Variants in CBLB observed in about 807,000 individuals in gnomAD.
The protein encoded by CBLB is E3 ubiquitin-protein ligase CBL-B.
A neutral mutation model predicts 104.9 loss-of-function variants in CBLB; 31 were observed. The ratio of observed to expected loss-of-function variants is 0.30; its 90% CI spans 0.22 to 0.40. CBLB has a LOEUF of 0.40. Among genes scored for constraint, CBLB ranks in the 10% least tolerant of loss-of-function variants. CBLB has a pLI of 1.00. For missense variants in CBLB, 1,062 were observed against 1,214.6 expected (o/e 0.87, Z 1.87); for synonymous variants, 440 against 422.6 (o/e 1.04, Z -0.51).
upstream of CBLB, chr3:105,869,298 G>A (rs751546394): frequency 2.8e-6 from 3 of 1,068,770 alleles, no homozygotes; most frequent in Non-Finnish European, 2.6e-6. Context: ...AAACGGGAAA[G>A]GAAATGGACG....
upstream of CBLB, chr3:105,869,256 A>T: frequency 1.4e-6 from 1 of 733,472 alleles, no homozygotes; most frequent in Non-Finnish European, 2.2e-6. Flanking sequence ...GAGAGAAATG[A>T]GGGGCCTGGA....
chr3:105,727,987 G>A (rs527259963), intron 9 of CBLB, among the ~76,000 whole-genome samples: 23 of 152,210 alleles, frequency 1.5e-4, no homozygotes, highest in Non-Finnish European at 3.2e-4. Context: ...GATGCCTCCA[G>A]CTTTTTTCTT....
At chr3:105,777,821 C>G (rs1014432298) in intron 3 of CBLB, among the ~76,000 whole-genome samples, 4 of 152,226 alleles carry the variant, frequency 2.6e-5, no homozygotes, top group Admixed American at 2.6e-4. Flanking sequence ...AGATTTAAAC[C>G]ATGCTTCATA....
At chr3:105,743,732 T>TAAA (rs757956619) in intron 6 of CBLB, among the ~76,000 whole-genome samples, 18 of 134,180 alleles carry the variant, frequency 1.3e-4, no homozygotes, top group Non-Finnish European at 2.4e-4. Context: ...CTTTCCAAGA[T>TAAA]AAAAAAAAAA....
At chr3:105,816,872 C>A (rs1044709685) in intron 3 of CBLB, among the ~76,000 whole-genome samples, 2 of 151,616 alleles carry the variant, frequency 1.3e-5, no homozygotes, top group African/African-American at 4.9e-5. Context: ...GACAACTCCA[C>A]CACAATTCTA....
chr3:105,681,794 C>A lies in CBLB; in HGVS notation c.2226G>T (p.Met742Ile). The change falls in exon 15 of 19, where the codon ATG (methionine) becomes ATT (isoleucine). Residue 742 changes from methionine (M) to isoleucine (I), a missense_variant. Physicochemically the swap from Met to Ile is conservative, Grantham distance 10 (BLOSUM62 1). Transcript: ENST00000394030. ...PVRSCDNGHC[M>I]LNGTHGPSSE... ...AAGATGGACCATGTGTTCCATTCAG[C>A]ATACAGTGACCATTATCACAAGACC... 6.2e-7 allele frequency: 1 copy of A among 1,607,186 alleles called. No individual in the cohort carries two copies. Among genetic ancestry groups the A allele is most frequent in the East Asian group, 2.2e-5 (1 of 44,824 alleles).
At chr3:105,852,745 A>ATT (rs796358593) in intron 3 of CBLB, among the ~76,000 whole-genome samples, 2 of 146,070 alleles carry the variant, frequency 1.4e-5, no homozygotes, top group South Asian at 2.2e-4. Context: ...TTTATACAGT[A>ATT]TTTTTTTTTT....
At chr3:105,709,567 C>CA (rs995567580) in intron 10 of CBLB, among the ~76,000 whole-genome samples, 1 of 150,506 alleles carries the variant, frequency 6.6e-6, no homozygotes, top group Non-Finnish European at 1.5e-5. Flanking sequence ...TAGCATTATA[C>CA]AAAAAAAAAT....
chr3:105,675,884 CAAAAAAAAAAAA>C (rs71111383), intron 17 of CBLB, among the ~76,000 whole-genome samples: 2 of 81,916 alleles, frequency 2.4e-5, no homozygotes, highest in Non-Finnish European at 4.4e-5. Flanking sequence ...GACCCTGTCT[CAAAAAAAAAAAA>C]AAAAAAAAAG....
chr3:105,702,490 A>AAAC, intron 11 of CBLB, 31 bp from the exon 12 acceptor site: 7 of 1,477,708 alleles, frequency 4.7e-6, no homozygotes, highest in South Asian at 4.0e-5. Context: ...AAAAAAAAAA[A>AAAC]AAAAAAAAAC....
At chr3:105,750,225 T>C (rs555994995) in intron 5 of CBLB, among the ~76,000 whole-genome samples, 1 of 152,036 alleles carries the variant, frequency 6.6e-6, no homozygotes, top group East Asian at 1.9e-4. Context: ...TCACATCCTA[T>C]ATGTACTGTT....
At chr3:105,808,601 C>G (rs2083832066) in intron 3 of CBLB, among the ~76,000 whole-genome samples, 1 of 152,118 alleles carries the variant, frequency 6.6e-6, no homozygotes, top group South Asian at 2.1e-4. Context: ...AAATGGTAAA[C>G]ATATAATAAC....
rs1247754473 is a variant in CBLB, at chr3:105,751,444, A to C, written c.723+18T>G. On this transcript the variant is annotated intron_variant, in intron 5 of 18. Transcript: ENST00000394030. ...GAGAGAAGAAGGGAATGGATAGACTAAGCAAGTATAAACTTACCTGAAACA... is the reference window on the plus strand; with the variant it reads ...GAGAGAAGAAGGGAATGGATAGACTCAGCAAGTATAAACTTACCTGAAACA... 1.3e-6 allele frequency: 2 copies of C among 1,576,680 alleles called. No individual in the cohort carries two copies. Among genetic ancestry groups the C allele is most frequent in the African/African-American group, 2.7e-5 (2 of 74,028 alleles).
chr3:105,656,151 A>G lies in CBLB; in HGVS notation c.*2819T>C, dbSNP rs900962722. The G allele has an allele frequency of 4.1e-5, 9 of 219,898 alleles. No homozygotes were observed. Among genetic ancestry groups the G allele is most frequent in the African/African-American group, 2.0e-4 (9 of 44,596 alleles). The allele number at this position is 219,898 out of a possible 1,614,324, so 13.6% of individuals were successfully genotyped here. A position where few individuals can be genotyped will look rare whatever the true frequency, so the allele number is the denominator to read the frequency against. ...GGGATAAAACAGATTATGGAGATAAATTTACTGGAATATAATTGAGGATAA... is the reference window on the plus strand; with the variant it reads ...GGGATAAAACAGATTATGGAGATAAGTTTACTGGAATATAATTGAGGATAA... On this transcript the variant is annotated 3_prime_UTR_variant, in exon 19 of 19. Coordinates refer to ENST00000394030, the MANE Select transcript of CBLB (RefSeq NM_170662.5).
At position 105,746,020 on chromosome 3, in the gene CBLB, G is replaced by A. The variant is rs746568069; in HGVS notation, c.742C>T (p.Arg248Trp). The change falls in exon 6 of 19, where the codon CGG becomes TGG. Residue 248 changes from arginine (R) to tryptophan (W), a missense_variant. Physicochemically the swap from Arg to Trp is moderately radical, Grantham distance 101 (BLOSUM62 -3). Transcript: ENST00000394030. The part of the protein sequence containing the change: ...RLFQPWGSIL[R>W]NWNFLAVTHP... ...GTCACAGCTAAGAAATTCCAATTCC[G>A]CAAAATAGAGCCCCAAGGCTAAAAA... is the stretch of plus-strand genomic sequence containing the variant. 13 of 1,604,124 alleles carry A rather than the reference G, an allele frequency of 8.1e-6. No individual in the cohort carries two copies. The highest frequency in any genetic ancestry group is 1.7e-5 in the Admixed American group (1 of 59,964).
At chr3:105,668,388 CTG>C (rs1233089914) in intron 18 of CBLB, among the ~76,000 whole-genome samples, 1 of 152,134 alleles carries the variant, frequency 6.6e-6, no homozygotes, top group African/African-American at 2.4e-5. Flanking sequence ...TGTGAAAACA[CTG>C]TGTTTTGGCT....
At chr3:105,682,069 G>C (rs1157501506) in intron 14 of CBLB, 6 of 470,088 alleles carry the variant, frequency 1.3e-5, no homozygotes, top group African/African-American at 2.0e-5. Flanking sequence ...CACAAAAATT[G>C]TTGATATCCT....
intron 3 of CBLB, among the ~76,000 whole-genome samples, chr3:105,815,335 G>T (rs551393200): frequency 6.6e-6 from 1 of 152,256 alleles, no homozygotes; most frequent in African/African-American, 2.4e-5. Context: ...CATCCGTTCT[G>T]TTCAAAGGAT....
At chr3:105,706,613 C>G (rs2070190053) in intron 10 of CBLB, among the ~76,000 whole-genome samples, 1 of 152,112 alleles carries the variant, frequency 6.6e-6, no homozygotes, top group East Asian at 1.9e-4. Context: ...TGTAGATCAG[C>G]AATTGTCACA....
Sources: gnomAD v4.1 joint callset for allele counts (sites outside exome capture counted in the v4.1 genomes callset) on GRCh38, gnomAD v4.1.1 for gene constraint, MANE v1.5 for transcripts, NCBI Gene and HGNC (gene_info 2026-07-23, HGNC 2026-07-21) for gene names.